The following TMEFF1 variants were observed in gnomAD, a reference collection of about 807,000 sequenced individuals.
The protein encoded by TMEFF1 is tomoregulin-1.
A neutral mutation model predicts 47.5 loss-of-function variants in TMEFF1; 20 were observed. The observed-to-expected ratio is 0.42, with a 90% CI of 0.30 to 0.61. TMEFF1 has a LOEUF of 0.61. Ranked by LOEUF, TMEFF1 falls within the 20% of genes least tolerant of loss-of-function variation. TMEFF1 has a pLI of 0.19. For synonymous variants in TMEFF1, 162 were observed against 166.3 expected (o/e 0.97, Z 0.20); for missense variants, 411 against 471.1 (o/e 0.87, Z 1.18).
Position 100,473,632 on chromosome 9 carries a change from T to C in TMEFF1, c.88T>C (p.Phe30Leu). ...CTGCTACACGTCGGTGCTTCTGCTC[T>C]TCGCCTTCTCTCTGCCCGGGAGCCG... ...FCCYTSVLLLFAFSLPGSRAS... is the reference protein window; with the variant it reads ...FCCYTSVLLLLAFSLPGSRAS... Residue 30 changes from phenylalanine (F) to leucine (L), a missense_variant, in exon 1 of 10, where the codon TTC becomes CTC. By Grantham distance (22) the Phe-to-Leu change is conservative. Transcript: ENST00000374879. This position sits in a 1 kb window ranked among gnomAD's most constrained non-coding sequence, Gnocchi z 5.4. The C allele has an allele frequency of 6.4e-7, 1 of 1,558,454 alleles. No individual in the cohort carries two copies. Among genetic ancestry groups the C allele is most frequent in the Non-Finnish European group, 8.7e-7 (1 of 1,152,328 alleles).
chr9:100,514,314 TAA>T (rs372558259), intron 4 of TMEFF1, among the ~76,000 whole-genome samples: 229 of 139,478 alleles, frequency 1.6e-3, no homozygotes, highest in Middle Eastern at 3.9e-3. Flanking sequence ...CAGTTTCAGC[TAA>T]AAAAAAAAAA....
chr9:100,502,258 A>G (rs1318344663), intron 2 of TMEFF1, among the ~76,000 whole-genome samples: 1 of 152,070 alleles, frequency 6.6e-6, no homozygotes. Flanking sequence ...TTTTAACACT[A>G]TGTATTTTTA....
At chr9:100,536,726 T>C (rs940326378) in intron 5 of TMEFF1, among the ~76,000 whole-genome samples, 4 of 152,222 alleles carry the variant, frequency 2.6e-5, no homozygotes, top group African/African-American at 9.6e-5. Flanking sequence ...GTACCAGGGC[T>C]GAGCCTTAAC....
At chr9:100,559,318 G>A (rs1838971495) in intron 7 of TMEFF1, among the ~76,000 whole-genome samples, 1 of 152,120 alleles carries the variant, frequency 6.6e-6, no homozygotes, top group African/African-American at 2.4e-5. Context: ...TTTGATGACA[G>A]AATATGTTTT....
chr9:100,510,048 G>A (rs10989123), intron 3 of TMEFF1, among the ~76,000 whole-genome samples: 1 of 151,992 alleles, frequency 6.6e-6, no homozygotes, highest in Non-Finnish European at 1.5e-5. Context: ...GCCATTCTTA[G>A]GGGATTTCCA....
At chr9:100,477,877 T>A (rs541069763) in intron 1 of TMEFF1, among the ~76,000 whole-genome samples, 2 of 152,254 alleles carry the variant, frequency 1.3e-5, no homozygotes, top group South Asian at 4.1e-4. Flanking sequence ...TCCGCCTACC[T>A]CGGCCTTCCA....
At chr9:100,557,806 T>G (rs535414439) in intron 7 of TMEFF1, among the ~76,000 whole-genome samples, 1 of 151,838 alleles carries the variant, frequency 6.6e-6, no homozygotes, top group South Asian at 2.1e-4. Context: ...ACTATAAGCT[T>G]CTTGAGGGCA....
At chr9:100,549,053 C>T (rs893563939) in intron 6 of TMEFF1, among the ~76,000 whole-genome samples, 10 of 152,126 alleles carry the variant, frequency 6.6e-5, no homozygotes, top group Non-Finnish European at 5.9e-5. Context: ...ATTTCAAGTT[C>T]AGAGCACCTG....
chr9:100,547,190 AT>A (rs1554688402), intron 5 of TMEFF1, among the ~76,000 whole-genome samples: 1 of 151,702 alleles, frequency 6.6e-6, no homozygotes, highest in Non-Finnish European at 1.5e-5. Context: ...TAAGTTTTTT[AT>A]TTTTTGTAGA....
At chr9:100,529,326 T>A (rs1173382262) in intron 5 of TMEFF1, among the ~76,000 whole-genome samples, 899 of 127,496 alleles carry the variant, frequency 7.1e-3, no homozygotes, top group African/African-American at 0.013. Context: ...GACTCATCAG[T>A]GTGCTGTATT....
At chr9:100,545,651 C>A (rs976660863) in intron 5 of TMEFF1, among the ~76,000 whole-genome samples, 1 of 152,146 alleles carries the variant, frequency 6.6e-6, no homozygotes, top group African/African-American at 2.4e-5. Flanking sequence ...AATTTCTTCT[C>A]AAAAAATGGG....
intron 8 of TMEFF1, among the ~76,000 whole-genome samples, chr9:100,564,707 G>T (rs1839089189): frequency 1.3e-5 from 2 of 152,184 alleles, no homozygotes; most frequent in South Asian, 4.1e-4. Context: ...GAGACGATTA[G>T]AGGATTTTAA....
intron 6 of TMEFF1, 129 bp from the exon 7 acceptor site, chr9:100,549,966 T>C (rs971279086): frequency 1.1e-4 from 123 of 1,073,508 alleles, no homozygotes; most frequent in Admixed American, 4.5e-4. Flanking sequence ...TAGAGAATGG[T>C]AGACAACATG....
chr9:100,536,182 T>C (rs1838502400), intron 5 of TMEFF1, among the ~76,000 whole-genome samples: 1 of 152,176 alleles, frequency 6.6e-6, no homozygotes. Context: ...GTAAAACTAA[T>C]GGTATGTGTA....
At chr9:100,518,083 T>C (rs537959361) in intron 5 of TMEFF1, among the ~76,000 whole-genome samples, 2 of 152,282 alleles carry the variant, frequency 1.3e-5, no homozygotes, top group African/African-American at 4.8e-5. Context: ...TCTATTATCA[T>C]TTTTCATGCC....
intron 5 of TMEFF1, among the ~76,000 whole-genome samples, chr9:100,522,215 A>G (rs1361192655): frequency 6.6e-6 from 1 of 152,192 alleles, no homozygotes; most frequent in Non-Finnish European, 1.5e-5. Flanking sequence ...CCTCCTAATC[A>G]GAGATGGCAG....
Position 100,501,013 on chromosome 9 carries a change from C to T in TMEFF1, c.306+2139C>T, listed in dbSNP as rs187385056. 1.7e-4 allele frequency among the ~76,000 whole-genome samples: 26 copies of T among 152,248 alleles called. No individual in the cohort carries two copies. The South Asian group carries it at 4.1e-3, about 24-fold the overall frequency. ...CAGAAACGTGCTCTGAGTTTATACG[C>T]GGAAACTGGGACTCCCCTCGAACTC... On this transcript the variant is annotated intron_variant, in intron 2 of 9. Coordinates refer to ENST00000374879, the MANE Select transcript of TMEFF1 (RefSeq NM_003692.5).
chr9:100,550,528 T>G lies in TMEFF1; in HGVS notation c.775+368T>G, dbSNP rs1236807633. Among the ~76,000 whole-genome samples the G allele has an allele frequency of 2.0e-5, 3 of 152,240 alleles. No homozygotes were observed. In the East Asian group the frequency reaches 5.8e-4, roughly 29 times the overall value. On this transcript the variant is annotated intron_variant, in intron 7 of 9. Coordinates refer to ENST00000374879, the MANE Select transcript of TMEFF1 (RefSeq NM_003692.5). ...GGTCTTTGAACCTTGTTCCTTTGCCTGAAACTCTTTATTTCCTTTCCTGAT... is the reference window on the plus strand; with the variant it reads ...GGTCTTTGAACCTTGTTCCTTTGCCGGAAACTCTTTATTTCCTTTCCTGAT...
intron 1 of TMEFF1, among the ~76,000 whole-genome samples, chr9:100,485,620 A>T (rs1163812532): frequency 1.3e-5 from 2 of 152,068 alleles, no homozygotes; most frequent in Non-Finnish European, 2.9e-5. Flanking sequence ...TTAAATTCTC[A>T]ATTTCTTTTA....
Sources: allele counts gnomAD v4.1 joint callset (sites outside exome capture counted in the v4.1 genomes callset), GRCh38; gene constraint gnomAD v4.1.1; non-coding constraint Gnocchi (gnomAD v3.1); transcripts MANE v1.5; gene names NCBI Gene and HGNC (gene_info 2026-07-23, HGNC 2026-07-21).